GNG7: variants seen among roughly 807,000 people sequenced by gnomAD.
GNG7 encodes guanine nucleotide-binding protein G(I)/G(S)/G(O) subunit gamma-7.
A neutral mutation model predicts 4.0 loss-of-function variants in GNG7; 1 was observed. The observed-to-expected ratio is 0.25, with a 90% CI of 0.09 to 1.18. The LOEUF (loss-of-function observed/expected upper bound fraction) is 1.18, where lower values mean the gene tolerates loss of function less well. Among genes scored for constraint, GNG7 ranks in the 50% most tolerant of loss-of-function variants. GNG7 has a pLI of 0.50. For missense variants in GNG7, 86 were observed against 91.9 expected, an observed-to-expected ratio of 0.94 and a Z score of 0.26; for synonymous variants, 34 against 36.9, an observed-to-expected ratio of 0.92 and a Z score of 0.29.
chr19:2,603,421 AG>A, intron 2 of GNG7, among the ~76,000 whole-genome samples: 1 of 152,184 alleles, frequency 6.6e-6, no homozygotes. Flanking sequence ...TGCCAGAATG[AG>A]GGGGAACCCC....
chr19:2,548,493 A>AC (rs1018999440), intron 3 of GNG7, among the ~76,000 whole-genome samples: 2 of 147,160 alleles, frequency 1.4e-5, no homozygotes, highest in African/African-American at 5.1e-5. Flanking sequence ...AAAAAAAAAA[A>AC]AAAAAAAAAA....
Position 2,569,431 on chromosome 19 carries a change from A to G in GNG7, c.-77-14243T>C, listed in dbSNP as rs369629819. On this transcript the variant is annotated intron_variant, in intron 2 of 4. Transcript: ENST00000382159. ...GCTGGGACTACAGGCGCCCGCCACC[A>G]CACCCGGCTAATTTTTTGTATTTTT... Among the ~76,000 whole-genome samples, 535 of 152,130 alleles carry G rather than the reference A, an allele frequency of 3.5e-3. 4 individuals are homozygous for G. Among genetic ancestry groups the G allele is most frequent in the African/African-American group, 0.012 (490 of 41,516 alleles).
chr19:2,646,551 G>A (rs569202444), intron 1 of GNG7, among the ~76,000 whole-genome samples: 1 of 152,238 alleles, frequency 6.6e-6, no homozygotes, highest in African/African-American at 2.4e-5. Flanking sequence ...CCAACGTGGT[G>A]GTGGGTGCCT....
chr19:2,676,119 G>A (rs1488270100), intron 1 of GNG7, among the ~76,000 whole-genome samples: 3 of 152,306 alleles, frequency 2.0e-5, no homozygotes, highest in Non-Finnish European at 1.5e-5. Context: ...AAGAACCGCC[G>A]GCCACTTGCC....
At chr19:2,525,794 G>A (rs765811921) in intron 3 of GNG7, among the ~76,000 whole-genome samples, 7 of 152,008 alleles carry the variant, frequency 4.6e-5, no homozygotes, top group Non-Finnish European at 1.0e-4. Flanking sequence ...TGAAAAGTTA[G>A]AATGAAAGCA....
At chr19:2,525,984 T>TTTTTTTTTTTTTTTTTTA (rs1978382708) in intron 3 of GNG7, among the ~76,000 whole-genome samples, 1 of 140,378 alleles carries the variant, frequency 7.1e-6, no homozygotes, top group African/African-American at 2.7e-5. Flanking sequence ...TTTTTTTTTT[T>TTTTTTTTTTTTTTTTTTA]TTTTGAGACA....
chr19:2,583,268 T>TTG (rs1178639050), intron 2 of GNG7, among the ~76,000 whole-genome samples: 2 of 152,206 alleles, frequency 1.3e-5, no homozygotes, highest in African/African-American at 4.8e-5. Context: ...CTTTAAACCT[T>TTG]TGTGTGTTTT....
At chr19:2,545,955 A>AAAAAC (rs71178287) in intron 3 of GNG7, among the ~76,000 whole-genome samples, 9,290 of 151,558 alleles carry the variant, frequency 0.061, 348 homozygotes, top group African/African-American at 0.098. Context: ...ACTCTGCCTC[A>AAAAAC]AAAACAAAAC....
chr19:2,614,920 C>A lies in GNG7; in HGVS notation c.-78+31304G>T, dbSNP rs1319582950. 6.6e-6 allele frequency among the ~76,000 whole-genome samples: 1 copy of A among 152,192 alleles called. No individual in the cohort carries two copies. Among genetic ancestry groups the A allele is most frequent in the Non-Finnish European group, 1.5e-5 (1 of 68,036 alleles). On this transcript the variant is annotated intron_variant, in intron 2 of 4. Coordinates refer to ENST00000382159, the MANE Select transcript of GNG7 (RefSeq NM_052847.3). The surrounding 1 kb of genome is among the most constrained non-coding windows in gnomAD (Gnocchi z 6.0). Reference sequence around the variant, plus strand: ...CACACATCAATTCTCAATGCCAAGGCGTTCCTCAGCTTTTAAACAAGGCAC... The same window carrying A: ...CACACATCAATTCTCAATGCCAAGGAGTTCCTCAGCTTTTAAACAAGGCAC...
intron 2 of GNG7, among the ~76,000 whole-genome samples, chr19:2,555,743 G>C (rs914476728): frequency 6.6e-6 from 1 of 152,130 alleles, no homozygotes; most frequent in Admixed American, 6.5e-5. Flanking sequence ...AGGTCAATAG[G>C]AAGGAAAGAA....
rs139671358 is a variant in GNG7 at position 2,541,475 on chromosome 19, C to A, written c.-38+13674G>T. 1.1e-3 allele frequency among the ~76,000 whole-genome samples: 170 copies of A among 152,066 alleles called. 1 individual carries two copies. Among genetic ancestry groups the A allele is most frequent in the African/African-American group, 4.0e-3 (167 of 41,476 alleles). ...CAAGGCCGGGGGCAGTGGCTCACGCCTGTAATCCCAGCAGGTTGGGAGGCC... is the reference window on the plus strand; with the variant it reads ...CAAGGCCGGGGGCAGTGGCTCACGCATGTAATCCCAGCAGGTTGGGAGGCC... On this transcript the variant is annotated intron_variant, in intron 3 of 4. Transcript: ENST00000382159.
intron 1 of GNG7, among the ~76,000 whole-genome samples, chr19:2,677,790 T>A (rs1345917428): frequency 6.6e-6 from 1 of 150,658 alleles, no homozygotes; most frequent in African/African-American, 2.4e-5. Flanking sequence ...TGGGGACATC[T>A]TTGGTTGTCA....
chr19:2,532,223 T>C (rs945270519), intron 3 of GNG7, among the ~76,000 whole-genome samples: 1 of 151,510 alleles, frequency 6.6e-6, no homozygotes, highest in Non-Finnish European at 1.5e-5. Flanking sequence ...ATACTGGGAA[T>C]TGACAGAGAC....
chr19:2,699,602 A>G (rs1913351643), intron 1 of GNG7, among the ~76,000 whole-genome samples: 1 of 152,154 alleles, frequency 6.6e-6, no homozygotes, highest in African/African-American at 2.4e-5. Context: ...AAAGGAGAAA[A>G]TAAATCAGTT....
intron 3 of GNG7, among the ~76,000 whole-genome samples, chr19:2,529,579 T>C (rs1232626387): frequency 6.6e-6 from 1 of 152,124 alleles, no homozygotes; most frequent in East Asian, 1.9e-4. Flanking sequence ...TTCTGAGCCA[T>C]AGGGTAAAGG....
rs1038212688 is a variant in GNG7 at position 2,693,422 on chromosome 19, A to AG, written c.-135+9223_-135+9224insC. On this transcript the variant is annotated intron_variant, in intron 1 of 4. Coordinates refer to ENST00000382159, the MANE Select transcript of GNG7 (RefSeq NM_052847.3). Reference sequence around the variant, plus strand: ...CAGAGCGAGACTCTGCCTCAAAAAAAAAAAAAAAGAAAGAAAGAAAAAAAG... The same window carrying AG: ...CAGAGCGAGACTCTGCCTCAAAAAAAGAAAAAAAAGAAAGAAAGAAAAAAAG... Among the ~76,000 whole-genome samples, 8 of 151,766 alleles carry AG rather than the reference A, an allele frequency of 5.3e-5. 1 individual carries two copies. Among genetic ancestry groups the AG allele is most frequent in the Non-Finnish European group, 8.8e-5 (6 of 67,950 alleles).
chr19:2,576,431 C>T lies in GNG7; in HGVS notation c.-77-21243G>A, dbSNP rs113587400. Reference sequence around the variant, plus strand: ...CTTGCTGACCCCAGGGAGGACAGGGCGGGCCGCGGCAGGCGGGGGACGGGC... The same window carrying T: ...CTTGCTGACCCCAGGGAGGACAGGGTGGGCCGCGGCAGGCGGGGGACGGGC... On this transcript the variant is annotated intron_variant, in intron 2 of 4. Coordinates refer to ENST00000382159, the MANE Select transcript of GNG7 (RefSeq NM_052847.3). Among the ~76,000 whole-genome samples, 230 of 152,320 alleles carry T rather than the reference C, an allele frequency of 1.5e-3. 2 individuals are homozygous for T. The highest frequency in any genetic ancestry group is 5.0e-3 in the African/African-American group (206 of 41,570).
chr19:2,604,128 G>A (rs960357992), intron 2 of GNG7, among the ~76,000 whole-genome samples: 1 of 152,006 alleles, frequency 6.6e-6, no homozygotes, highest in Non-Finnish European at 1.5e-5. Flanking sequence ...AGGATTACAG[G>A]CGTGAGCCAC....
chr19:2,639,472 G>A (rs892494144), intron 2 of GNG7, among the ~76,000 whole-genome samples: 2 of 151,850 alleles, frequency 1.3e-5, no homozygotes, highest in Admixed American at 6.6e-5. Context: ...AAAGATGAGC[G>A]CCCCTACTTG....
Sources: gnomAD v4.1 joint callset for allele counts (sites outside exome capture counted in the v4.1 genomes callset) on GRCh38, gnomAD v4.1.1 for gene constraint, Gnocchi (gnomAD v3.1) non-coding constraint, MANE v1.5 for transcripts, NCBI Gene and HGNC (gene_info 2026-07-23, HGNC 2026-07-21) for gene names.